Variants in ANK3 observed in about 807,000 individuals in gnomAD.
ANK3 encodes ankyrin 3.
A neutral mutation model predicts 370.9 loss-of-function variants in ANK3; 57 were observed. That is an observed-to-expected ratio of 0.15 (90% CI 0.12 to 0.19). The LOEUF is 0.19. Among genes scored for constraint, ANK3 ranks in the 10% least tolerant of loss-of-function variants. ANK3 has a pLI of 1.00. For synonymous variants in ANK3, 1,929 were observed against 1,946.3 expected (o/e 0.99, Z 0.23); for missense variants, 4,439 against 5,302.1 (o/e 0.84, Z 5.06).
chr10:60,491,709 A>G (rs1567087894), intron 2 of ANK3, among the ~76,000 whole-genome samples: 1 of 152,176 alleles, frequency 6.6e-6, no homozygotes, highest in Non-Finnish European at 1.5e-5. Context: ...GATTGATCAA[A>G]TGATTGAGAC....
At chr10:60,499,121 C>A (rs1009589616) in intron 2 of ANK3, among the ~76,000 whole-genome samples, 2 of 152,192 alleles carry the variant, frequency 1.3e-5, no homozygotes, top group Non-Finnish European at 2.9e-5. Flanking sequence ...CAGATTAAGA[C>A]ACATTCTCGC....
At chr10:60,271,492 C>T (rs1353058714) in intron 4 of ANK3, among the ~76,000 whole-genome samples, 3 of 152,124 alleles carry the variant, frequency 2.0e-5, no homozygotes, top group African/African-American at 4.8e-5. Context: ...AGGTGTGAGC[C>T]ACTGCACCGA....
intron 5 of ANK3, among the ~76,000 whole-genome samples, 161 bp from the exon 6 acceptor site, chr10:60,264,181 CA>C (rs1334713530): frequency 3.3e-5 from 5 of 151,470 alleles, no homozygotes; most frequent in African/African-American, 1.2e-4. Flanking sequence ...AAGATATTTT[CA>C]AAAAAAATTT....
chr10:60,431,252 A>G (rs1439927420), intron 2 of ANK3, among the ~76,000 whole-genome samples: 16 of 152,194 alleles, frequency 1.1e-4, no homozygotes, highest in African/African-American at 3.9e-4. Flanking sequence ...CATAAGGAGC[A>G]TACAGCCTAG....
chr10:60,123,875 G>T (rs538065007), intron 25 of ANK3, among the ~76,000 whole-genome samples: 1 of 152,312 alleles, frequency 6.6e-6, no homozygotes, highest in South Asian at 2.1e-4. Flanking sequence ...CCACAACTTG[G>T]ACAGGGCCAA....
intron 2 of ANK3, among the ~76,000 whole-genome samples, chr10:60,492,351 G>A (rs73257077): frequency 0.13 from 19,777 of 152,020 alleles, 1,502 homozygotes; most frequent in African/African-American, 0.21. Context: ...CTTTAAAAGG[G>A]GATAATGATT....
chr10:60,552,972 T>A (rs980780269), intron 2 of ANK3, among the ~76,000 whole-genome samples: 2 of 152,334 alleles, frequency 1.3e-5, no homozygotes, highest in East Asian at 3.9e-4. Context: ...TTGCTCCTCC[T>A]TGCCTTCCAC....
At chr10:60,671,426 AG>A (rs778297742) in intron 1 of ANK3, among the ~76,000 whole-genome samples, 18 of 152,186 alleles carry the variant, frequency 1.2e-4, no homozygotes, top group Non-Finnish European at 2.2e-4. Context: ...TTCCTCTCAG[AG>A]GTCTTCCCTG....
intron 2 of ANK3, among the ~76,000 whole-genome samples, chr10:60,511,007 G>A (rs1223733061): frequency 6.6e-6 from 1 of 152,060 alleles, no homozygotes; most frequent in East Asian, 1.9e-4. Context: ...TGCATCTACA[G>A]AGTGAGAAAA....
At chr10:60,218,097 C>CTTTTTTTTTTTTT (rs199989242) in intron 8 of ANK3, among the ~76,000 whole-genome samples, 8 of 126,148 alleles carry the variant, frequency 6.3e-5, no homozygotes, top group African/African-American at 1.6e-4. Context: ...CTTTTTCTTT[C>CTTTTTTTTTTTTT]TTTTTTTTTT....
chr10:60,357,552 T>G (rs142743181), intron 1 of ANK3, among the ~76,000 whole-genome samples: 2 of 47,392 alleles, frequency 4.2e-5, no homozygotes, highest in Non-Finnish European at 1.1e-4. Flanking sequence ...GGAAATCGAG[T>G]TGCACAGTTG....
chr10:60,263,211 G>A (rs2097834466), intron 6 of ANK3, among the ~76,000 whole-genome samples: 1 of 152,162 alleles, frequency 6.6e-6, no homozygotes, highest in South Asian at 2.1e-4. Context: ...CACTATTGGT[G>A]ATATGGATTG....
intron 1 of ANK3, among the ~76,000 whole-genome samples, chr10:60,653,276 C>T (rs192431772): frequency 2.6e-5 from 4 of 152,182 alleles, no homozygotes; most frequent in Admixed American, 2.6e-4. Context: ...AGAAGATTTA[C>T]AACTTTAGCT....
At chr10:60,672,824 A>C (rs2079078942) in intron 1 of ANK3, among the ~76,000 whole-genome samples, 2 of 152,118 alleles carry the variant, frequency 1.3e-5, no homozygotes. Context: ...CTTGCACTTA[A>C]CCTGGAAAAG....
intron 1 of ANK3, among the ~76,000 whole-genome samples, chr10:60,708,702 C>T (rs192079301): frequency 6.6e-6 from 1 of 152,140 alleles, no homozygotes; most frequent in Non-Finnish European, 1.5e-5. Flanking sequence ...TCCAGTACCC[C>T]CTAGCATTTC....
At chr10:60,151,213 T>C (rs1352484233) in intron 23 of ANK3, among the ~76,000 whole-genome samples, 1 of 152,164 alleles carries the variant, frequency 6.6e-6, no homozygotes, top group Admixed American at 6.5e-5. Flanking sequence ...ACATATGTCA[T>C]TATATATACT....
At chr10:60,092,797 A>G (rs963471962) in intron 28 of ANK3, among the ~76,000 whole-genome samples, 1 of 152,198 alleles carries the variant, frequency 6.6e-6, no homozygotes, top group African/African-American at 2.4e-5. Context: ...GTGCAGGGGC[A>G]TGATCTCAGC....
intron 28 of ANK3, among the ~76,000 whole-genome samples, chr10:60,090,506 G>A (rs74321383): frequency 0.038 from 5,733 of 152,170 alleles, 171 homozygotes; most frequent in Non-Finnish European, 0.059. Context: ...GCAAAAAGTA[G>A]ACTGGAAAAA....
intron 2 of ANK3, among the ~76,000 whole-genome samples, chr10:60,423,818 G>T (rs2063825526): frequency 6.6e-6 from 1 of 151,916 alleles, no homozygotes; most frequent in Non-Finnish European, 1.5e-5. Context: ...ATCTAAATTT[G>T]GTAGTATCCC....
Sources: allele counts gnomAD v4.1 joint callset (sites outside exome capture counted in the v4.1 genomes callset), GRCh38; gene constraint gnomAD v4.1.1; transcripts MANE v1.5; gene names NCBI Gene and HGNC (gene_info 2026-07-23, HGNC 2026-07-21).